TOR1AIP1: variants seen among roughly 807,000 people sequenced by gnomAD.
The protein encoded by TOR1AIP1 is torsin 1A interacting protein 1, also known as torsin-1A-interacting protein 1.
A neutral mutation model predicts 63.3 loss-of-function variants in TOR1AIP1; 54 were observed. The observed-to-expected ratio is 0.85, with a 90% CI of 0.69 to 1.07. The LOEUF is 1.07. Ranked by LOEUF, TOR1AIP1 falls within the 50% of genes least tolerant of loss-of-function variation. The pLI is 0.00. For synonymous variants in TOR1AIP1, 294 were observed against 273.5 expected, an observed-to-expected ratio of 1.07 and a Z score of -0.74; for missense variants, 736 against 715.0, an observed-to-expected ratio of 1.03 and a Z score of -0.33.
At chr1:179,906,321 A>T (rs552028968) in intron 6 of TOR1AIP1, among the ~76,000 whole-genome samples, 67 of 152,334 alleles carry the variant, frequency 4.4e-4, no homozygotes, top group African/African-American at 1.5e-3. Context: ...ATAGATATTC[A>T]TGAATTTTTA....
At chr1:179,917,045 C>T (rs375115904) in intron 9 of TOR1AIP1, among the ~76,000 whole-genome samples, 1 of 152,030 alleles carries the variant, frequency 6.6e-6, no homozygotes, top group Non-Finnish European at 1.5e-5. Context: ...GAATAATTAG[C>T]CATGTGAATG....
intron 9 of TOR1AIP1, among the ~76,000 whole-genome samples, chr1:179,914,601 C>G (rs1648933733): frequency 6.6e-6 from 1 of 152,166 alleles, no homozygotes; most frequent in Non-Finnish European, 1.5e-5. Flanking sequence ...CGAAACCATC[C>G]TGGCCAACAT....
chr1:179,913,227 T>G (rs988360787), intron 8 of TOR1AIP1, among the ~76,000 whole-genome samples: 1 of 151,974 alleles, frequency 6.6e-6, no homozygotes, highest in African/African-American at 2.4e-5. Flanking sequence ...GCCTCTTGAT[T>G]TGTCGGAATT....
rs609521 is a variant in TOR1AIP1, at chr1:179,907,853, C to G, written c.827C>G (p.Pro276Arg). The G allele has an allele frequency of 0.62, 978,571 of 1,574,268 alleles. 309,637 individuals carry two copies. Among genetic ancestry groups the G allele is most frequent in the East Asian group, 0.75 (32,207 of 42,960 alleles). Residue 276 changes from proline (P) to arginine (R), a missense_variant, in exon 7 of 10, where the codon CCT becomes CGT. Coordinates refer to ENST00000606911, the MANE Select transcript of TOR1AIP1 (RefSeq NM_015602.4). ...AACTTCACAGCTCATGATAAGCAAC[C>G]TTCAGTGCTAAGTAAGTAGTTGGTT... is the stretch of plus-strand genomic sequence containing the variant. ...SQNFTAHDKQ[P>R]SVLSSGYQKT...
At position 179,884,791 on chromosome 1, in the gene TOR1AIP1, T is replaced by A. The variant is rs570186785; in HGVS notation, c.553+22T>A. 3.2e-6 allele frequency: 5 copies of A among 1,565,520 alleles called. No homozygotes were observed. In the South Asian group the frequency reaches 5.8e-5, roughly 18 times the overall value. ...CCAGGTAAGAATAGTTAACTTTTTG[T>A]TTTTCTCCTTACCTACCAACTTTTT... is the stretch of plus-strand genomic sequence containing the variant. On this transcript the variant is annotated intron_variant, in intron 2 of 9. Coordinates refer to ENST00000606911, the MANE Select transcript of TOR1AIP1 (RefSeq NM_015602.4).
chr1:179,913,744 T>C, intron 8 of TOR1AIP1: 2 of 687,102 alleles, frequency 2.9e-6, no homozygotes, highest in Non-Finnish European at 5.3e-6. Flanking sequence ...AAACTTTCTC[T>C]CAAAACTAAT....
In TOR1AIP1 at chr1:179,889,652, CT is replaced by C. The variant is rs10711211; in HGVS notation, c.610+298del. On this transcript the variant is annotated intron_variant, in intron 3 of 9. Coordinates refer to ENST00000606911, the MANE Select transcript of TOR1AIP1 (RefSeq NM_015602.4). ...TGGCTTTATAAACTCTCATTTCTGTCTTTTTTTTTTTTTTTAATTTGAGACA... is the reference window on the plus strand; with the variant it reads ...TGGCTTTATAAACTCTCATTTCTGTCTTTTTTTTTTTTTTAATTTGAGACA... Among the ~76,000 whole-genome samples the C allele has an allele frequency of 0.59, 85,479 of 144,792 alleles. 24,952 individuals are homozygous for C. The highest frequency in any genetic ancestry group is 0.76 in the East Asian group (3,779 of 4,998). The allele number at this position is 144,792 out of a possible 152,430, so 95.0% of individuals were successfully genotyped here.
Position 179,919,729 on chromosome 1 carries a change from C to A in TOR1AIP1, c.*1490C>A, listed in dbSNP as rs1336721011. ...AGTCAGTCATTGGCTTTGTCATTTACCCTTTGAGAGTTCCACAAGTGGTAG... is the reference window on the plus strand; with the variant it reads ...AGTCAGTCATTGGCTTTGTCATTTAACCTTTGAGAGTTCCACAAGTGGTAG... On this transcript the variant is annotated 3_prime_UTR_variant, in exon 10 of 10. Transcript: ENST00000606911. 2 of 152,206 alleles carry A rather than the reference C, an allele frequency of 1.3e-5. No homozygotes were observed. The highest frequency in any genetic ancestry group is 1.9e-4 in the East Asian group (1 of 5,184). The allele number at this position is 152,206 out of a possible 1,614,324, so 9.4% of individuals were successfully genotyped here.
chr1:179,895,479 G>A (rs1322459669), intron 3 of TOR1AIP1, among the ~76,000 whole-genome samples: 2 of 152,012 alleles, frequency 1.3e-5, no homozygotes, highest in East Asian at 3.9e-4. Flanking sequence ...GTGGTGGCAC[G>A]TGCCTATATT....
intron 6 of TOR1AIP1, among the ~76,000 whole-genome samples, chr1:179,905,695 G>A (rs989103213): frequency 6.6e-6 from 1 of 152,178 alleles, no homozygotes; most frequent in Non-Finnish European, 1.5e-5. Flanking sequence ...GCTCACACCT[G>A]TAATCCCAGC....
intron 3 of TOR1AIP1, among the ~76,000 whole-genome samples, chr1:179,890,160 CAA>C (rs1648024369): frequency 6.6e-6 from 1 of 152,152 alleles, no homozygotes; most frequent in African/African-American, 2.4e-5. Context: ...CACAGAACGA[CAA>C]AATGTCCCTC....
chr1:179,891,608 G>A (rs565584994), intron 3 of TOR1AIP1, among the ~76,000 whole-genome samples: 15 of 148,906 alleles, frequency 1.0e-4, no homozygotes, highest in African/African-American at 2.5e-4. Context: ...CTCTATCACC[G>A]AGGCTGGAGT....
intron 1 of TOR1AIP1, among the ~76,000 whole-genome samples, chr1:179,884,462 A>G (rs2148469811): frequency 6.6e-6 from 1 of 152,284 alleles, no homozygotes; most frequent in Middle Eastern, 3.4e-3. Flanking sequence ...ATATTTTTGT[A>G]AAACAACAAT....
At chr1:179,913,935 G>C (rs1571738507) in intron 8 of TOR1AIP1, 63 bp from the exon 9 acceptor site, 1 of 1,439,246 alleles carries the variant, frequency 6.9e-7, no homozygotes, top group African/African-American at 1.4e-5. Flanking sequence ...TTGTCTACTA[G>C]AAATAAATAC....
At chr1:179,894,339 T>C (rs1264821633) in intron 3 of TOR1AIP1, among the ~76,000 whole-genome samples, 1 of 151,598 alleles carries the variant, frequency 6.6e-6, no homozygotes, top group Non-Finnish European at 1.5e-5. Context: ...ATATACTTGC[T>C]CGAACATATA....
chr1:179,912,878 T>G (rs921296159), intron 8 of TOR1AIP1, among the ~76,000 whole-genome samples: 1 of 152,166 alleles, frequency 6.6e-6, no homozygotes, highest in Non-Finnish European at 1.5e-5. Context: ...CAAATGAAAG[T>G]TGTTGATATA....
chr1:179,887,259 C>T (rs912160675), intron 2 of TOR1AIP1, among the ~76,000 whole-genome samples: 2 of 152,016 alleles, frequency 1.3e-5, no homozygotes, highest in Admixed American at 6.5e-5. Flanking sequence ...ACTAGCCAGG[C>T]GTGGTGGTGG....
intron 3 of TOR1AIP1, among the ~76,000 whole-genome samples, chr1:179,896,698 C>G (rs575741): frequency 6.6e-6 from 1 of 152,038 alleles, no homozygotes; most frequent in African/African-American, 2.4e-5. Context: ...AGAATGAGGA[C>G]GGAGACTTGC....
chr1:179,905,440 A>G (rs1177484385), intron 6 of TOR1AIP1, among the ~76,000 whole-genome samples: 1 of 152,174 alleles, frequency 6.6e-6, no homozygotes, highest in Admixed American at 6.5e-5. Context: ...TTGTATTTCT[A>G]GAATTCAATT....
Sources: allele counts gnomAD v4.1 joint callset (sites outside exome capture counted in the v4.1 genomes callset), GRCh38; gene constraint gnomAD v4.1.1; transcripts MANE v1.5; gene names NCBI Gene and HGNC (gene_info 2026-07-23, HGNC 2026-07-21).